The following TRDN variants were observed in gnomAD, a reference collection of about 807,000 sequenced individuals.
The protein encoded by TRDN is triadin, also known as triadin in skeletal muscle.
TRDN carries 161 observed loss-of-function variants against 149.7 expected under a neutral mutation model. The ratio of observed to expected loss-of-function variants is 1.08; its 90% confidence interval spans 0.95 to 1.23. The LOEUF is 1.23. Ranked by LOEUF, TRDN falls within the 50% of genes most tolerant of loss-of-function variation. The pLI is 0.00. For missense variants in TRDN, 896 were observed against 823.5 expected, an observed-to-expected ratio of 1.09 and a Z score of -1.08; for synonymous variants, 294 against 250.5, an observed-to-expected ratio of 1.17 and a Z score of -1.64.
chr6:123,532,586 A>G (rs969427627), intron 4 of TRDN, among the ~76,000 whole-genome samples: 5 of 151,972 alleles, frequency 3.3e-5, no homozygotes, highest in African/African-American at 1.2e-4. Flanking sequence ...ACTTCCTGTC[A>G]TATGGGTTCA....
At chr6:123,315,113 G>A (rs1778976200) in intron 24 of TRDN, among the ~76,000 whole-genome samples, 1 of 151,834 alleles carries the variant, frequency 6.6e-6, no homozygotes, top group Non-Finnish European at 1.5e-5. Flanking sequence ...GTAAAATAAA[G>A]CATAAAATAC....
intron 2 of TRDN, among the ~76,000 whole-genome samples, chr6:123,557,206 G>T (rs897776636): frequency 1.3e-5 from 2 of 152,096 alleles, no homozygotes; most frequent in Admixed American, 6.6e-5. Context: ...AAACAGCCTT[G>T]TTGCTCACTC....
chr6:123,447,134 G>A (rs937111041), intron 10 of TRDN, among the ~76,000 whole-genome samples: 1 of 151,480 alleles, frequency 6.6e-6, no homozygotes, highest in African/African-American at 2.4e-5. Flanking sequence ...TTTCTTTAGT[G>A]ATAGCTGAAT....
At chr6:123,268,586 C>A (rs1034336211) in intron 31 of TRDN, among the ~76,000 whole-genome samples, 2 of 151,952 alleles carry the variant, frequency 1.3e-5, no homozygotes, top group Non-Finnish European at 2.9e-5. Context: ...TTGATGTTTA[C>A]TTGTCCTTTC....
At chr6:123,291,216 G>A (rs536827345) in intron 24 of TRDN, among the ~76,000 whole-genome samples, 98 of 152,094 alleles carry the variant, frequency 6.4e-4, no homozygotes, top group Non-Finnish European at 1.1e-3. Context: ...TATATGAAGA[G>A]GGATCTTGTA....
chr6:123,393,882 T>A (rs1772610159), intron 12 of TRDN, among the ~76,000 whole-genome samples: 1 of 152,158 alleles, frequency 6.6e-6, no homozygotes, highest in Admixed American at 6.5e-5. Flanking sequence ...GCAATTTAAA[T>A]CATAAGATAA....
rs1582910455 is a variant in TRDN at position 123,356,368 on chromosome 6, T to C, written c.1322-3782A>G. Among the ~76,000 whole-genome samples, 16 of 151,334 alleles carry C rather than the reference T, an allele frequency of 1.1e-4. 1 individual carries two copies. In the South Asian group the frequency reaches 3.3e-3, roughly 31 times the overall value. On this transcript the variant is annotated intron_variant, in intron 20 of 40. Coordinates refer to ENST00000334268, the MANE Select transcript of TRDN (RefSeq NM_006073.4). ...TTTATTCTGGCTAATTACATCAATT[T>C]GTATGTATTTTAATTTTTTGAGCTT...
intron 33 of TRDN, among the ~76,000 whole-genome samples, chr6:123,264,282 T>A (rs1161599367): frequency 6.6e-6 from 1 of 152,044 alleles, no homozygotes; most frequent in Non-Finnish European, 1.5e-5. Context: ...AATGTCAGTA[T>A]CAACAGGAGT....
At chr6:123,458,439 A>C (rs1776259282) in intron 10 of TRDN, among the ~76,000 whole-genome samples, 1 of 152,160 alleles carries the variant, frequency 6.6e-6, no homozygotes. Flanking sequence ...AAGGCCTTAA[A>C]GAGAAAAGAC....
intron 2 of TRDN, among the ~76,000 whole-genome samples, chr6:123,557,708 C>T (rs1000763515): frequency 3.9e-5 from 6 of 152,022 alleles, no homozygotes; most frequent in African/African-American, 1.5e-4. Flanking sequence ...TGGTCCTTCA[C>T]CCTTAGCAGC....
At chr6:123,221,758 A>C (rs142357199) in intron 39 of TRDN, among the ~76,000 whole-genome samples, 338 of 151,760 alleles carry the variant, frequency 2.2e-3, no homozygotes, top group Non-Finnish European at 3.8e-3. Context: ...CGCTACAAAC[A>C]ATTGTTTAAA....
chr6:123,301,744 T>C (rs1343106017), intron 24 of TRDN, among the ~76,000 whole-genome samples: 1 of 96,728 alleles, frequency 1.0e-5, no homozygotes, highest in Non-Finnish European at 2.0e-5. Context: ...TATGTATGTA[T>C]ATATATACAT....
chr6:123,533,145 G>C (rs1221434509), intron 4 of TRDN, among the ~76,000 whole-genome samples: 1 of 152,086 alleles, frequency 6.6e-6, no homozygotes, highest in African/African-American at 2.4e-5. Flanking sequence ...TTGGAATATA[G>C]AGATGGCATG....
chr6:123,345,115 G>A (rs954711793), intron 21 of TRDN, among the ~76,000 whole-genome samples: 2 of 151,390 alleles, frequency 1.3e-5, no homozygotes, highest in African/African-American at 4.9e-5. Context: ...AAATGTAATT[G>A]TCAAACCCAA....
intron 1 of TRDN, among the ~76,000 whole-genome samples, chr6:123,586,878 G>A: frequency 6.6e-6 from 1 of 151,936 alleles, no homozygotes; most frequent in Non-Finnish European, 1.5e-5. Flanking sequence ...CAAGGTCAGG[G>A]CATGGAAATA....
In TRDN at chr6:123,368,388, T is replaced by C. The variant is rs147561110; in HGVS notation, c.1274-2206A>G. On this transcript the variant is annotated intron_variant, in intron 19 of 40. Coordinates refer to ENST00000334268, the MANE Select transcript of TRDN (RefSeq NM_006073.4). ...ATCTGCTCTACTACTACTATGAATA[T>C]TATTAAGAATCATTCTTAACCCTGT... 1.7e-3 allele frequency among the ~76,000 whole-genome samples: 264 copies of C among 152,302 alleles called. 1 individual carries two copies. The highest frequency in any genetic ancestry group is 6.1e-3 in the African/African-American group (252 of 41,568).
chr6:123,395,638 T>C (rs1022467287), intron 12 of TRDN, among the ~76,000 whole-genome samples: 1 of 152,082 alleles, frequency 6.6e-6, no homozygotes, highest in Non-Finnish European at 1.5e-5. Flanking sequence ...AAGAAAACAG[T>C]CCACAAATGC....
At chr6:123,519,708 C>T (rs1779583627) in intron 5 of TRDN, among the ~76,000 whole-genome samples, 1 of 149,634 alleles carries the variant, frequency 6.7e-6, no homozygotes, top group African/African-American at 2.5e-5. Flanking sequence ...CTGCATAGGA[C>T]TAATCTTGAG....
chr6:123,274,591 A>C, intron 27 of TRDN, 50 bp downstream of exon 27: 1 of 1,524,940 alleles, frequency 6.6e-7, no homozygotes, highest in Middle Eastern at 1.9e-4. Context: ...TACTTAATAA[A>C]ATAAAGATAA....
Sources: gnomAD v4.1 joint callset for allele counts (sites outside exome capture counted in the v4.1 genomes callset) on GRCh38, gnomAD v4.1.1 for gene constraint, MANE v1.5 for transcripts, NCBI Gene and HGNC (gene_info 2026-07-23, HGNC 2026-07-21) for gene names.